The following SLC7A1 variants were observed in gnomAD, a reference collection of about 807,000 sequenced individuals.
SLC7A1 encodes the protein solute carrier family 7 member 1.
In SLC7A1, 10 loss-of-function variants were observed where a neutral mutation model predicts 53.9. The observed-to-expected ratio is 0.19, with a 90% CI of 0.11 to 0.31. SLC7A1 has a LOEUF of 0.31. SLC7A1 is among the 10% of genes least tolerant of loss of function. SLC7A1 has a pLI of 1.00. For synonymous variants in SLC7A1, 342 were observed against 338.7 expected, an observed-to-expected ratio of 1.01 and a Z score of -0.11; for missense variants, 525 against 827.2, an observed-to-expected ratio of 0.63 and a Z score of 4.48.
intron 1 of SLC7A1, among the ~76,000 whole-genome samples, chr13:29,561,851 G>A (rs569997060): frequency 2.6e-5 from 4 of 152,058 alleles, no homozygotes; most frequent in African/African-American, 4.8e-5. Flanking sequence ...CCATCCCAGC[G>A]GCTGTTCTGC....
rs116375604 is a variant in SLC7A1, at chr13:29,559,626, T to C, written c.-114-5766A>G. Among the ~76,000 whole-genome samples, 457 of 152,038 alleles carry C rather than the reference T, an allele frequency of 3.0e-3. 2 individuals carry two copies. The highest frequency in any genetic ancestry group is 0.011 in the African/African-American group (447 of 41,396). ...CTTGAGGAACACTGTACACTGAAGC[T>C]ACACTAAATGTGTAAAAAATATTTT... On this transcript the variant is annotated intron_variant, in intron 1 of 12. Transcript: ENST00000380752.
intron 1 of SLC7A1, among the ~76,000 whole-genome samples, chr13:29,579,848 C>G (rs1394963323): frequency 6.6e-6 from 1 of 152,162 alleles, no homozygotes; most frequent in East Asian, 1.9e-4. Context: ...TCCTTCTGGT[C>G]GAACCGGTGC....
At chr13:29,547,848 A>G (rs1474497186) in intron 2 of SLC7A1, among the ~76,000 whole-genome samples, 2 of 152,222 alleles carry the variant, frequency 1.3e-5, no homozygotes, top group Admixed American at 6.5e-5. Context: ...ATGTAAAAAC[A>G]AAGGACTTCG....
intron 10 of SLC7A1, 36 bp downstream of exon 10, chr13:29,517,537 C>G: frequency 6.5e-7 from 1 of 1,548,412 alleles, no homozygotes; most frequent in Non-Finnish European, 8.9e-7. Flanking sequence ...CATGCAATGC[C>G]AACAAGCAAG....
chr13:29,517,047 A>G, intron 11 of SLC7A1, 97 bp downstream of exon 11: 1 of 1,216,046 alleles, frequency 8.2e-7, no homozygotes. Context: ...CTTCCTCGGG[A>G]GCACCCAGGC....
intron 1 of SLC7A1, among the ~76,000 whole-genome samples, chr13:29,583,514 G>A (rs1397210666): frequency 2.6e-5 from 4 of 152,276 alleles, no homozygotes; most frequent in South Asian, 4.1e-4. Flanking sequence ...CAAACTCTAT[G>A]CAGGGTGACT....
At chr13:29,592,828 G>A (rs190464784) in intron 1 of SLC7A1, among the ~76,000 whole-genome samples, 2 of 152,278 alleles carry the variant, frequency 1.3e-5, no homozygotes, top group Non-Finnish European at 2.9e-5. Flanking sequence ...AAACCTGAGG[G>A]TAGGCAGATG....
At chr13:29,576,293 T>TAAAA (rs3069134) in intron 1 of SLC7A1, among the ~76,000 whole-genome samples, 18 of 124,954 alleles carry the variant, frequency 1.4e-4, no homozygotes, top group African/African-American at 5.9e-4. Context: ...TCCTGTTTTT[T>TAAAA]AAAAAAAAAA....
At chr13:29,545,886 A>G (rs1869898963) in intron 2 of SLC7A1, among the ~76,000 whole-genome samples, 1 of 152,218 alleles carries the variant, frequency 6.6e-6, no homozygotes, top group South Asian at 2.1e-4. Context: ...ACACCCGAAA[A>G]GTGTTTCCTC....
chr13:29,571,418 GGCTCTATA>G (rs1160711899), intron 1 of SLC7A1, among the ~76,000 whole-genome samples: 1 of 152,190 alleles, frequency 6.6e-6, no homozygotes, highest in Non-Finnish European at 1.5e-5. Flanking sequence ...AAAGGTCCCA[GGCTCTATA>G]GCATCAACCA....
At chr13:29,545,826 C>T (rs1013516822) in intron 2 of SLC7A1, among the ~76,000 whole-genome samples, 17 of 152,132 alleles carry the variant, frequency 1.1e-4, no homozygotes, top group Admixed American at 8.5e-4. Context: ...ACATAAAAAA[C>T]GAGAAGCCAG....
chr13:29,563,289 G>C (rs1047285013), intron 1 of SLC7A1, among the ~76,000 whole-genome samples: 1 of 152,256 alleles, frequency 6.6e-6, no homozygotes, highest in African/African-American at 2.4e-5. Context: ...AATGATCCAT[G>C]ATGTGCCAAG....
At position 29,538,217 on chromosome 13, in the gene SLC7A1, C is replaced by G. The variant is rs567544282; in HGVS notation, c.-14-2015G>C. The stretch of plus-strand genomic sequence containing the variant: ...GGGTCACAGGCTCTGCAGGCGCAGT[C>G]CTCCTCTGGAGTTCCGGCAGTATCA... On this transcript the variant is annotated intron_variant, in intron 2 of 12. Transcript: ENST00000380752. Among the ~76,000 whole-genome samples the G allele has an allele frequency of 8.9e-4, 136 of 152,220 alleles. 2 individuals carry two copies. In the South Asian group the frequency reaches 0.027, roughly 30 times the overall value.
intron 1 of SLC7A1, among the ~76,000 whole-genome samples, chr13:29,557,489 C>G (rs763146539): frequency 3.3e-5 from 5 of 152,048 alleles, no homozygotes; most frequent in Non-Finnish European, 7.4e-5. Flanking sequence ...CAGCATGTTA[C>G]TGTACTGAAT....
chr13:29,537,987 C>T lies in SLC7A1; in HGVS notation c.-14-1785G>A, dbSNP rs1869500801. Among the ~76,000 whole-genome samples, 3 of 152,222 alleles carry T rather than the reference C, an allele frequency of 2.0e-5. No homozygotes were observed. The South Asian group carries it at 6.2e-4, about 32-fold the overall frequency. On this transcript the variant is annotated intron_variant, in intron 2 of 12. Coordinates refer to ENST00000380752, the MANE Select transcript of SLC7A1 (RefSeq NM_003045.5). ...CTCCCCACACTGCAGCTCAGGGCCC[C>T]TCAGCAATGGTCGCATCACTGATCA...
At chr13:29,555,515 A>G (rs917985178) in intron 1 of SLC7A1, among the ~76,000 whole-genome samples, 1 of 151,920 alleles carries the variant, frequency 6.6e-6, no homozygotes, top group Admixed American at 6.6e-5. Context: ...TTGATGCTCT[A>G]TCATGTACCA....
At chr13:29,556,355 T>A (rs1016098895) in intron 1 of SLC7A1, among the ~76,000 whole-genome samples, 7 of 152,100 alleles carry the variant, frequency 4.6e-5, no homozygotes, top group African/African-American at 1.7e-4. Flanking sequence ...ATTAAGACAT[T>A]TATTTCAAGT....
At position 29,519,488 on chromosome 13, in the gene SLC7A1, G is replaced by A; in HGVS notation, c.1251C>T (p.Leu417=). The A allele has an allele frequency of 6.2e-7, 1 of 1,613,776 alleles. No individual in the cohort carries two copies. Among genetic ancestry groups the A allele is most frequent in the Non-Finnish European group, 8.5e-7 (1 of 1,179,794 alleles). ...AGGCAGCCACCAACGAGTAAGCCAG[G>A]AGAGTGCCAATGGACATGAGGTCCA... ...DLVDLMSIGT[L]LAYSLVAACV... The change falls in exon 9 of 13, where the codon CTC becomes CTT. Residue 417 remains leucine, a synonymous_variant. Coordinates refer to ENST00000380752, the MANE Select transcript of SLC7A1 (RefSeq NM_003045.5).
In SLC7A1 at chr13:29,533,057, T is replaced by C. The variant is rs80253224; in HGVS notation, c.371-75A>G. On this transcript the variant is annotated intron_variant, in intron 3 of 12. Transcript: ENST00000380752. ...AGGTATTTGTAGTGGAGCTCCATGT[T>C]GATAACATCATTGCAGGAGTCACCG... 1.4e-4 allele frequency: 199 copies of C among 1,429,778 alleles called. 3 individuals carry two copies. In the East Asian group the frequency reaches 3.3e-3, roughly 23 times the overall value. 88.6% of individuals were successfully genotyped at this position (1,429,778 alleles called of 1,614,324 possible). A position where few individuals can be genotyped will look rare whatever the true frequency, so the allele number is the denominator to read the frequency against.
Sources: gnomAD v4.1 joint callset for allele counts (sites outside exome capture counted in the v4.1 genomes callset) on GRCh38, gnomAD v4.1.1 for gene constraint, MANE v1.5 for transcripts, NCBI Gene and HGNC (gene_info 2026-07-23, HGNC 2026-07-21) for gene names.